TANC2: variants seen among roughly 807,000 people sequenced by gnomAD.
The protein encoded by TANC2 is protein TANC2.
Under a neutral mutation model 210.5 loss-of-function variants are expected in TANC2, and 26 were observed. The ratio of observed to expected loss-of-function variants is 0.12; its 90% CI spans 0.09 to 0.17. TANC2 has a LOEUF of 0.17. Ranked by LOEUF, TANC2 falls within the 10% of genes least tolerant of loss-of-function variation. TANC2 has a pLI of 1.00. For missense variants in TANC2, 2,129 were observed against 2,608.9 expected (o/e 0.82, Z 4.01); for synonymous variants, 931 against 967.1 (o/e 0.96, Z 0.69).
At position 63,221,547 on chromosome 17, in the gene TANC2, A is replaced by G. The variant is rs991796679; in HGVS notation, c.770-16267A>G. Among the ~76,000 whole-genome samples, 4 of 152,308 alleles carry G rather than the reference A, an allele frequency of 2.6e-5. No individual in the cohort carries two copies. In the East Asian group the frequency reaches 7.7e-4, roughly 29 times the overall value. ...AAAGAGTTCTATTCAGAATAAGTGAAGAATCCTCACAGCTTAATATAAAGG... is the reference window on the plus strand; with the variant it reads ...AAAGAGTTCTATTCAGAATAAGTGAGGAATCCTCACAGCTTAATATAAAGG... On this transcript the variant is annotated intron_variant, in intron 7 of 27. Coordinates refer to ENST00000689528, the Ensembl canonical transcript of TANC2.
chr17:63,053,295 G>A (rs1053779597), intron 2 of TANC2, among the ~76,000 whole-genome samples: 2 of 152,170 alleles, frequency 1.3e-5, no homozygotes, highest in Non-Finnish European at 2.9e-5. Flanking sequence ...TAATCCCATC[G>A]GGTTTCACCC....
At chr17:63,002,103 A>G (rs148143161) in intron 1 of TANC2, among the ~76,000 whole-genome samples, 2 of 152,318 alleles carry the variant, frequency 1.3e-5, no homozygotes, top group African/African-American at 4.8e-5. Context: ...ACACATAAGA[A>G]GTTATGGGTG....
chr17:63,005,466 A>G (rs1455424020), intron 1 of TANC2, among the ~76,000 whole-genome samples: 1 of 146,166 alleles, frequency 6.8e-6, no homozygotes. Context: ...CAGCTTTGCA[A>G]TTTCTAAAAA....
chr17:63,267,713 T>G, intron 8 of TANC2, 35 bp from the exon 9 acceptor site: 1 of 1,602,814 alleles, frequency 6.2e-7, no homozygotes, highest in South Asian at 1.1e-5. Context: ...TTTTCTGAAC[T>G]TAAATATTCT....
chr17:63,238,594 A>G (rs1254328931), intron 8 of TANC2, among the ~76,000 whole-genome samples: 1 of 152,184 alleles, frequency 6.6e-6, no homozygotes, highest in Non-Finnish European at 1.5e-5. Flanking sequence ...CATTTCATGG[A>G]AGAATCACCA....
At chr17:63,302,758 G>A (rs2044763586) in intron 9 of TANC2, among the ~76,000 whole-genome samples, 1 of 151,596 alleles carries the variant, frequency 6.6e-6, no homozygotes, top group South Asian at 2.1e-4. Context: ...TTGCCAGTCT[G>A]TGTCAGGTTT....
Position 62,966,967 on chromosome 17 carries a change from G to T in TANC2, c.-24+218G>T, listed in dbSNP as rs757775415. The T allele has an allele frequency of 6.6e-6, 1 of 152,268 alleles. No individual in the cohort carries two copies. Among genetic ancestry groups the T allele is most frequent in the Non-Finnish European group, 1.5e-5 (1 of 68,066 alleles). 9.4% of individuals were successfully genotyped at this position (152,268 alleles called of 1,614,324 possible). A position where few individuals can be genotyped will look rare whatever the true frequency, so the allele number is the denominator to read the frequency against. On this transcript the variant is annotated intron_variant, in intron 1 of 27. Coordinates refer to ENST00000689528, the Ensembl canonical transcript of TANC2. The surrounding 1 kb of genome is among the most constrained non-coding windows in gnomAD (Gnocchi z 5.1). ...GTGGGGTCGCCACTTGGCTGTCACC[G>T]AAGATGTCATGGAATTTGGTACCTA...
At chr17:63,372,402 G>T (rs183199057) in intron 14 of TANC2, among the ~76,000 whole-genome samples, 93 of 152,226 alleles carry the variant, frequency 6.1e-4, no homozygotes, top group Admixed American at 2.5e-3. Context: ...TAAGGACAGG[G>T]TATCACATTT....
chr17:63,192,168 G>A (rs749288996), intron 5 of TANC2, among the ~76,000 whole-genome samples: 1 of 152,132 alleles, frequency 6.6e-6, no homozygotes. Context: ...TAGAGTGCAC[G>A]ACAGATAATA....
chr17:63,259,750 G>A (rs572487852), intron 8 of TANC2, among the ~76,000 whole-genome samples: 26 of 152,150 alleles, frequency 1.7e-4, no homozygotes, highest in Non-Finnish European at 2.6e-4. Context: ...AATTTCTGTC[G>A]CTCACCCAGC....
chr17:63,268,336 C>T (rs2043593257), intron 9 of TANC2, among the ~76,000 whole-genome samples: 1 of 152,158 alleles, frequency 6.6e-6, no homozygotes, highest in African/African-American at 2.4e-5. Flanking sequence ...CATGACACCA[C>T]AAGTGGAAAA....
At chr17:63,314,355 G>T in intron 9 of TANC2, 33 bp from the exon 10 acceptor site, 1 of 1,605,082 alleles carries the variant, frequency 6.2e-7, no homozygotes, top group South Asian at 1.1e-5. Context: ...TTGACAGTTT[G>T]ACCTAAGTTC....
intron 9 of TANC2, among the ~76,000 whole-genome samples, chr17:63,294,649 A>C (rs1436023408): frequency 6.6e-6 from 1 of 152,224 alleles, no homozygotes; most frequent in Admixed American, 6.5e-5. Context: ...ATTTCATCAT[A>C]AACATTTTAC....
chr17:63,005,942 GTGTGAA>G (rs2033609338), intron 1 of TANC2, among the ~76,000 whole-genome samples: 1 of 145,274 alleles, frequency 6.9e-6, no homozygotes, highest in Non-Finnish European at 1.5e-5. Flanking sequence ...GTGTGTGTGT[GTGTGAA>G]GAGTTTTGAT....
At chr17:63,004,360 GACGTAAGA>G (rs761828907) in intron 1 of TANC2, among the ~76,000 whole-genome samples, 10 of 152,148 alleles carry the variant, frequency 6.6e-5, no homozygotes, top group Non-Finnish European at 1.0e-4. Context: ...GGGAGAAGAG[GACGTAAGA>G]ATGAATTTGT....
chr17:63,168,771 G>A (rs1276651441), intron 5 of TANC2, among the ~76,000 whole-genome samples: 2 of 152,084 alleles, frequency 1.3e-5, no homozygotes, highest in East Asian at 3.9e-4. Flanking sequence ...TTTAGAAGGT[G>A]GCAAGGAAGG....
intron 5 of TANC2, among the ~76,000 whole-genome samples, chr17:63,185,671 AT>A (rs1199333201): frequency 6.6e-6 from 1 of 152,030 alleles, no homozygotes; most frequent in Non-Finnish European, 1.5e-5. Context: ...GTCAGATGCT[AT>A]TTTGTTTGTT....
At chr17:63,146,695 C>A (rs1487968831) in intron 4 of TANC2, among the ~76,000 whole-genome samples, 1 of 152,016 alleles carries the variant, frequency 6.6e-6, no homozygotes, top group East Asian at 1.9e-4. Flanking sequence ...AAAGACAATA[C>A]CTCAGTAATT....
At chr17:63,079,272 G>A (rs1418709060) in intron 3 of TANC2, among the ~76,000 whole-genome samples, 1 of 152,154 alleles carries the variant, frequency 6.6e-6, no homozygotes, top group Non-Finnish European at 1.5e-5. Context: ...CTTTGTGTTT[G>A]TTCCTGGTGT....
Sources: gnomAD v4.1 joint callset for allele counts (sites outside exome capture counted in the v4.1 genomes callset) on GRCh38, gnomAD v4.1.1 for gene constraint, Gnocchi (gnomAD v3.1) non-coding constraint, MANE v1.5 for transcripts, NCBI Gene and HGNC (gene_info 2026-07-23, HGNC 2026-07-21) for gene names.